SBNO1: variants seen among roughly 807,000 people sequenced by gnomAD.
The protein encoded by SBNO1 is strawberry notch homolog 1.
SBNO1 carries 23 observed loss-of-function variants against 173.6 expected under a neutral mutation model. The observed-to-expected ratio is 0.13, with a 90% CI of 0.10 to 0.19. The LOEUF (loss-of-function observed/expected upper bound fraction) is 0.19, where lower values mean the gene tolerates loss of function less well. Among genes scored for constraint, SBNO1 ranks in the 10% least tolerant of loss-of-function variants. SBNO1 has a pLI of 1.00. For synonymous variants in SBNO1, 632 were observed against 571.5 expected (o/e 1.11, Z -1.51); for missense variants, 1,238 against 1,671.2 (o/e 0.74, Z 4.52).
chr12:123,309,891 T>G, intron 25 of SBNO1, 35 bp from the exon 26 acceptor site: 2 of 1,516,030 alleles, frequency 1.3e-6, no homozygotes, highest in Non-Finnish European at 1.8e-6. Flanking sequence ...TTCATGCAAA[T>G]GATAATTAAA....
In SBNO1 at chr12:123,336,465, A is replaced by T. The variant is rs1220783992; in HGVS notation, c.678T>A (p.Asp226Glu). The T allele has an allele frequency of 6.2e-7, 1 of 1,612,768 alleles. No homozygotes were observed. The highest frequency in any genetic ancestry group is 8.5e-7 in the Non-Finnish European group (1 of 1,179,318). Residue 226 changes from aspartate to glutamate, a missense_variant, in exon 6 of 32, where the codon GAT becomes GAA. Asp to Glu is a conservative substitution (Grantham distance 45, BLOSUM62 2). This residue lies in a region of SBNO1 where 287 missense variants were observed against 274.1 expected (regional missense o/e 1.05). Coordinates refer to ENST00000602398, the MANE Select transcript of SBNO1 (RefSeq NM_001167856.3). ...CTTCTTCATCTTCTTCCTCTGGTTC[A>T]TCATCTTCTTTTACAACAGGAACCT... ...TMKVPVVKED[D>E]EPEEEDEEEM...
At chr12:123,354,260 A>C (rs1874186675) in intron 1 of SBNO1, among the ~76,000 whole-genome samples, 1 of 152,208 alleles carries the variant, frequency 6.6e-6, no homozygotes, top group Non-Finnish European at 1.5e-5. Context: ...CATGTTATAC[A>C]CCATATGGAC....
At position 123,345,356 on chromosome 12, in the gene SBNO1, T is replaced by C. The variant is rs746074558; in HGVS notation, c.452A>G (p.Gln151Arg). 29 of 1,614,188 alleles carry C rather than the reference T, an allele frequency of 1.8e-5. No homozygotes were observed. Among genetic ancestry groups the C allele is most frequent in the Non-Finnish European group, 2.3e-5 (27 of 1,180,010 alleles). The change falls in exon 4 of 32, where the codon CAA (glutamine) becomes CGA (arginine). Residue 151 changes from glutamine to arginine, a missense_variant. By Grantham distance (43) the Gln-to-Arg change is conservative. Around this residue, in one of 14 missense-constraint regions of SBNO1, gnomAD observed 287 missense variants for 274.1 expected, o/e 1.05. Transcript: ENST00000602398. ...NAMTSAPSKD[Q>R]VQLKDLLKNN... ...TTTCAGTAGATCTTTAAGCTGAACT[T>C]GGTCTTTTGAAGGTGCAGAGGTCAT...
intron 31 of SBNO1, 66 bp from the exon 32 acceptor site, chr12:123,296,116 C>A: frequency 9.9e-7 from 1 of 1,009,184 alleles, no homozygotes; most frequent in Non-Finnish European, 1.5e-6. Flanking sequence ...AGCTTCACAG[C>A]AGATTCCAAA....
chr12:123,332,985 G>A (rs112705098), intron 7 of SBNO1, among the ~76,000 whole-genome samples: 2,895 of 152,206 alleles, frequency 0.019, 37 homozygotes, highest in Non-Finnish European at 0.03. Context: ...TTAGCCGGGC[G>A]TGGCGGTGGG....
At chr12:123,353,088 G>A (rs574141966) in intron 1 of SBNO1, among the ~76,000 whole-genome samples, 2 of 152,038 alleles carry the variant, frequency 1.3e-5, no homozygotes, top group East Asian at 1.9e-4. Context: ...GTGCACCACC[G>A]CGCCCAGCCT....
At chr12:123,339,970 G>C (rs776380885) in intron 5 of SBNO1, among the ~76,000 whole-genome samples, 2 of 151,788 alleles carry the variant, frequency 1.3e-5, no homozygotes, top group African/African-American at 4.8e-5. Flanking sequence ...TCAAAGTCTC[G>C]TCATACTCAA....
Position 123,336,451 on chromosome 12 carries a change from T to C in SBNO1, c.692A>G (p.Glu231Gly). ...TGCATGACCCATTTCTTCTTCATCT[T>C]CTTCCTCTGGTTCATCATCTTCTTT... ...VVKEDDEPEE[E>G]DEEEMGHAET... Residue 231 changes from glutamate to glycine, a missense_variant, in exon 6 of 32, where the codon GAA (glutamate) becomes GGA (glycine). Transcript: ENST00000602398. The C allele has an allele frequency of 6.2e-7, 1 of 1,613,036 alleles. No individual in the cohort carries two copies. The highest frequency in any genetic ancestry group is 8.5e-7 in the Non-Finnish European group (1 of 1,179,440).
chr12:123,337,005 G>C (rs548503519), intron 5 of SBNO1, among the ~76,000 whole-genome samples: 76 of 152,054 alleles, frequency 5.0e-4, no homozygotes, highest in Non-Finnish European at 8.7e-4. Context: ...CTGCTTTCCC[G>C]CATATCCTAA....
intron 1 of SBNO1, among the ~76,000 whole-genome samples, chr12:123,358,676 G>A (rs946826707): frequency 3.9e-4 from 55 of 142,002 alleles, no homozygotes; most frequent in Admixed American, 9.1e-4. Flanking sequence ...CCAGGAGGCA[G>A]AGCTTGCAGT....
intron 1 of SBNO1, among the ~76,000 whole-genome samples, chr12:123,359,193 A>G (rs1874829230): frequency 1.3e-5 from 2 of 151,586 alleles, no homozygotes; most frequent in Non-Finnish European, 2.9e-5. Context: ...TCAGCCTCCC[A>G]AAGTGCTGGG....
At chr12:123,299,907 G>A (rs533187298) in intron 30 of SBNO1, among the ~76,000 whole-genome samples, 1 of 152,032 alleles carries the variant, frequency 6.6e-6, no homozygotes, top group Non-Finnish European at 1.5e-5. Flanking sequence ...AAAGAAGGAG[G>A]GGGGAAGATC....
At chr12:123,350,026 T>C (rs1873696976) in intron 2 of SBNO1, among the ~76,000 whole-genome samples, 1 of 152,120 alleles carries the variant, frequency 6.6e-6, no homozygotes, top group South Asian at 2.1e-4. Context: ...AGGCCGAGGT[T>C]GGCAATCGCT....
rs958455478 is a variant in SBNO1 at position 123,291,507 on chromosome 12, T to G, written c.*4401A>C. 6.6e-6 allele frequency: 1 copy of G among 151,988 alleles called. No homozygotes were observed. The highest frequency in any genetic ancestry group is 1.5e-5 in the Non-Finnish European group (1 of 68,008). 9.4% of individuals were successfully genotyped at this position (151,988 alleles called of 1,614,324 possible). A position where few individuals can be genotyped will look rare whatever the true frequency, so the allele number is the denominator to read the frequency against. ...CATCAGCAGTCATACAATGACAGTA[T>G]CAGAAATGGCACTCAAGTGCATCCC... On this transcript the variant is annotated 3_prime_UTR_variant, in exon 32 of 32. Coordinates refer to ENST00000602398, the MANE Select transcript of SBNO1 (RefSeq NM_001167856.3).
chr12:123,336,575 C>T (rs1351902498), intron 5 of SBNO1, 84 bp from the exon 6 acceptor site: 1 of 780,534 alleles, frequency 1.3e-6, no homozygotes, highest in Non-Finnish European at 2.1e-6. Context: ...CTTGTAGGAA[C>T]ACCTACAAAT....
At chr12:123,364,603 C>T in intron 1 of SBNO1, 98 bp downstream of exon 1, 1 of 977,014 alleles carries the variant, frequency 1.0e-6, no homozygotes, top group South Asian at 4.8e-5. Context: ...GGTGGCTGTC[C>T]CCCCAGCCTG....
At position 123,311,104 on chromosome 12, in the gene SBNO1, A is replaced by G. The variant is rs1459680707; in HGVS notation, c.3246T>C (p.Val1082=). 6.2e-7 allele frequency: 1 copy of G among 1,613,740 alleles called. No homozygotes were observed. Among genetic ancestry groups the G allele is most frequent in the Non-Finnish European group, 8.5e-7 (1 of 1,179,662 alleles). ...AGCGATCTTCTACATTTATCAGGCC[A>G]ACGCCTATCAGTCCTTGTCGAACAT... ...FKDVRQGLIG[V]GLINVEDRSG... The change falls in exon 25 of 32, where the codon GTT becomes GTC. Residue 1082 remains valine, a synonymous_variant. Transcript: ENST00000602398.
chr12:123,359,729 T>C (rs1874907682), intron 1 of SBNO1, among the ~76,000 whole-genome samples: 1 of 152,126 alleles, frequency 6.6e-6, no homozygotes, highest in South Asian at 2.1e-4. Flanking sequence ...CATATCTTAT[T>C]CATAAAAGAG....
At position 123,295,865 on chromosome 12, in the gene SBNO1, C is replaced by T; in HGVS notation, c.*43G>A. 1 of 1,598,464 alleles carries T rather than the reference C, an allele frequency of 6.3e-7. No individual in the cohort carries two copies. Reference sequence around the variant, plus strand: ...TGATTTTTATGCAAATGATATGCTTCAACAGCATTTCAGATCCATCCATGT... The same window carrying T: ...TGATTTTTATGCAAATGATATGCTTTAACAGCATTTCAGATCCATCCATGT... On this transcript the variant is annotated 3_prime_UTR_variant, in exon 32 of 32. Transcript: ENST00000602398.
Sources: allele counts gnomAD v4.1 joint callset (sites outside exome capture counted in the v4.1 genomes callset), GRCh38; gene constraint gnomAD v4.1.1; regional missense constraint gnomAD v4.1.1; transcripts MANE v1.5; gene names NCBI Gene and HGNC (gene_info 2026-07-23, HGNC 2026-07-21).